The following NRG1 variants were observed in gnomAD, a reference collection of about 807,000 sequenced individuals.
NRG1 encodes the protein pro-neuregulin-1, membrane-bound isoform.
A neutral mutation model predicts 63.8 loss-of-function variants in NRG1; 18 were observed. The ratio of observed to expected loss-of-function variants is 0.28; its 90% CI spans 0.19 to 0.42. The LOEUF (loss-of-function observed/expected upper bound fraction) is 0.42. Among genes scored for constraint, NRG1 ranks in the 10% least tolerant of loss-of-function variants. The probability of loss-of-function intolerance (pLI) is 1.00; values close to 1 mark genes in which losing one functional copy is unlikely to be tolerated. For synonymous variants in NRG1, 302 were observed against 301.3 expected (o/e 1.00, Z -0.02); for missense variants, 762 against 814.7 (o/e 0.94, Z 0.79).
At chr8:31,649,317 A>C (rs1020339904) in intron 1 of NRG1, among the ~76,000 whole-genome samples, 2 of 152,132 alleles carry the variant, frequency 1.3e-5, no homozygotes, top group Non-Finnish European at 2.9e-5. Context: ...TAGCAGCTGC[A>C]CCATTTTACA....
chr8:32,532,713 A>G (rs1380325712), intron 1 of NRG1, among the ~76,000 whole-genome samples: 1 of 152,050 alleles, frequency 6.6e-6, no homozygotes, highest in African/African-American at 2.4e-5. Flanking sequence ...GTATTAATAG[A>G]GATTTCATGG....
At chr8:31,990,367 A>C (rs907679438) in intron 1 of NRG1, among the ~76,000 whole-genome samples, 1 of 152,084 alleles carries the variant, frequency 6.6e-6, no homozygotes, top group Non-Finnish European at 1.5e-5. Flanking sequence ...TTTTTTCATT[A>C]GTACATGGAA....
At chr8:32,537,711 T>G (rs1407140074) in intron 1 of NRG1, among the ~76,000 whole-genome samples, 6 of 152,174 alleles carry the variant, frequency 3.9e-5, no homozygotes, top group Non-Finnish European at 5.9e-5. Context: ...CAATGGTGAC[T>G]GATACAGTCA....
At chr8:31,796,066 C>T (rs1563411732) in intron 1 of NRG1, among the ~76,000 whole-genome samples, 1 of 151,694 alleles carries the variant, frequency 6.6e-6, no homozygotes, top group African/African-American at 2.4e-5. Context: ...GTAATCTTTG[C>T]AAAAAAAATT....
At chr8:32,728,550 T>G (rs1425902335) in intron 6 of NRG1, 1 of 985,176 alleles carries the variant, frequency 1.0e-6, no homozygotes, top group Non-Finnish European at 1.2e-6. Context: ...ATATATCTAT[T>G]ACACTTGGGA....
At chr8:32,220,425 C>T (rs986176777) in intron 1 of NRG1, among the ~76,000 whole-genome samples, 2 of 150,822 alleles carry the variant, frequency 1.3e-5, no homozygotes, top group Non-Finnish European at 3.0e-5. Context: ...AGGGACGGAG[C>T]GGAGCAGGGG....
chr8:32,109,817 C>T (rs1399590391), intron 1 of NRG1, among the ~76,000 whole-genome samples: 3 of 152,156 alleles, frequency 2.0e-5, no homozygotes, highest in Non-Finnish European at 4.4e-5. Flanking sequence ...CAAATCATTA[C>T]ATCATAAAGA....
At chr8:32,217,019 C>G (rs1022700353) in intron 1 of NRG1, among the ~76,000 whole-genome samples, 1 of 151,808 alleles carries the variant, frequency 6.6e-6, no homozygotes, top group African/African-American at 2.4e-5. Flanking sequence ...TCAAGACCAG[C>G]CTGGCCAACA....
At chr8:31,822,560 G>C (rs1036968800) in intron 1 of NRG1, among the ~76,000 whole-genome samples, 1 of 152,120 alleles carries the variant, frequency 6.6e-6, no homozygotes, top group Non-Finnish European at 1.5e-5. Context: ...CCTCCCAGTC[G>C]TACTGGAGAT....
At chr8:31,995,153 A>C (rs1299686664) in intron 1 of NRG1, among the ~76,000 whole-genome samples, 1 of 151,946 alleles carries the variant, frequency 6.6e-6, no homozygotes, top group Non-Finnish European at 1.5e-5. Context: ...ACAATTTAAC[A>C]TTTTGTCCTC....
chr8:31,655,986 A>C (rs1019081322), intron 1 of NRG1, among the ~76,000 whole-genome samples: 1 of 152,234 alleles, frequency 6.6e-6, no homozygotes, highest in Admixed American at 6.5e-5. Context: ...TATTGTCGAC[A>C]TATCCACATG....
chr8:32,461,664 C>T (rs1334299538), intron 1 of NRG1, among the ~76,000 whole-genome samples: 1 of 152,116 alleles, frequency 6.6e-6, no homozygotes. Context: ...TGCACTCCAG[C>T]CTGGGCGACA....
chr8:32,483,939 C>A (rs373823540), intron 1 of NRG1, among the ~76,000 whole-genome samples: 62 of 152,136 alleles, frequency 4.1e-4, no homozygotes, highest in African/African-American at 1.5e-3. Flanking sequence ...CCCGTCTCTA[C>A]TAAAAATACA....
intron 1 of NRG1, among the ~76,000 whole-genome samples, chr8:31,891,221 G>A (rs1415041178): frequency 1.3e-5 from 2 of 152,138 alleles, no homozygotes; most frequent in Non-Finnish European, 2.9e-5. Context: ...ACAAGCTACA[G>A]ATTGGGAGAA....
At chr8:32,634,120 G>GAAAAAAAAAAAAAAAAAAAAAA (rs1563814503) in intron 5 of NRG1, among the ~76,000 whole-genome samples, 17 of 97,754 alleles carry the variant, frequency 1.7e-4, no homozygotes, top group African/African-American at 8.2e-4. Context: ...AAAAAAAAAG[G>GAAAAAAAAAAAAAAAAAAAAAA]TTGCATAAAG....
At chr8:32,594,090 C>T (rs1175289185) in intron 1 of NRG1, among the ~76,000 whole-genome samples, 1 of 152,058 alleles carries the variant, frequency 6.6e-6, no homozygotes, top group South Asian at 2.1e-4. Flanking sequence ...TTGGAAACTT[C>T]GTATGTTCAT....
intron 1 of NRG1, among the ~76,000 whole-genome samples, chr8:32,206,366 T>G (rs1268460883): frequency 6.6e-6 from 1 of 151,980 alleles, no homozygotes; most frequent in Non-Finnish European, 1.5e-5. Flanking sequence ...CAGATATAAC[T>G]AGATACATGT....
intron 1 of NRG1, among the ~76,000 whole-genome samples, chr8:32,392,087 A>C (rs1811844426): frequency 6.6e-6 from 1 of 152,200 alleles, no homozygotes; most frequent in Non-Finnish European, 1.5e-5. Flanking sequence ...GAGGTGGTTC[A>C]TTTGGGAAAA....
chr8:31,665,261 T>C (rs1806411215), intron 1 of NRG1, among the ~76,000 whole-genome samples: 2 of 152,174 alleles, frequency 1.3e-5, no homozygotes, highest in Admixed American at 1.3e-4. Context: ...ACAGGACAAG[T>C]TATAGCTGAA....
Sources: allele counts gnomAD v4.1 joint callset (sites outside exome capture counted in the v4.1 genomes callset), GRCh38; gene constraint gnomAD v4.1.1; transcripts MANE v1.5; gene names NCBI Gene and HGNC (gene_info 2026-07-23, HGNC 2026-07-21).